Variants in ERI2 observed in about 807,000 individuals in gnomAD.
The protein encoded by ERI2 is ERI1 exoribonuclease family member 2, also known as ERI1 exoribonuclease 2.
ERI2 carries 35 observed loss-of-function variants against 46.8 expected under a neutral mutation model. That is an observed-to-expected ratio of 0.75 (90% CI 0.57 to 0.99). The LOEUF is 0.99. ERI2 is among the 50% of genes least tolerant of loss of function. ERI2 has a pLI of 0.00. For synonymous variants in ERI2, 224 were observed against 271.0 expected, an observed-to-expected ratio of 0.83 and a Z score of 1.70; for missense variants, 695 against 796.2, an observed-to-expected ratio of 0.87 and a Z score of 1.53.
At chr16:20,789,646 G>A in intron 9 of ERI2, 3 of 900,276 alleles carry the variant, frequency 3.3e-6, no homozygotes, top group Non-Finnish European at 5.4e-6. Flanking sequence ...ATAAAAGCAG[G>A]TTGGCAAAAC....
Position 20,790,569 on chromosome 16 carries a change from T to G in ERI2, c.815+281A>C. On this transcript the variant is annotated intron_variant, in intron 9 of 10. Transcript: ENST00000300005. This position sits in a 1 kb window ranked among gnomAD's most constrained non-coding sequence, Gnocchi z 4.0. ...TAAACAAAAATTTCCTTAAATAAAT[T>G]GTTCTATTTTATCCTAGATTGTAGA... 6.3e-7 allele frequency: 1 copy of G among 1,591,440 alleles called. No individual in the cohort carries two copies. Among genetic ancestry groups the G allele is most frequent in the Non-Finnish European group, 8.6e-7 (1 of 1,164,950 alleles).
intron 4 of ERI2, among the ~76,000 whole-genome samples, chr16:20,802,390 CTTAT>C (rs1216920876): frequency 2.0e-5 from 3 of 151,742 alleles, no homozygotes; most frequent in Non-Finnish European, 2.9e-5. Flanking sequence ...TAACACTAAT[CTTAT>C]TTATTTATTT....
chr16:20,797,940 A>G lies in ERI2; in HGVS notation c.1860T>C (p.Tyr620=). The G allele has an allele frequency of 2.6e-6, 4 of 1,551,922 alleles. No individual in the cohort carries two copies. The highest frequency in any genetic ancestry group is 3.5e-6 in the Non-Finnish European group (4 of 1,146,990). Residue 620 remains tyrosine (Y), a synonymous_variant, in exon 9 of 9, where the codon TAT becomes TAC. Coordinates refer to ENST00000357967, the MANE Select transcript of ERI2 (RefSeq NM_001142725.2). ...NNGPNHGKVF[Y]CCPIGKYQEN... ...CTTGGTATTTCCCGATAGGGCAACA[A>G]TAGAAGACTTTTCCATGGTTCGGTC...
chr16:20,792,877 A>C (rs181567981), downstream of ERI2, among the ~76,000 whole-genome samples: 2 of 152,328 alleles, frequency 1.3e-5, no homozygotes, highest in African/African-American at 4.8e-5. Flanking sequence ...CTGACCACAC[A>C]GTATTTTGGC....
chr16:20,801,242 C>T lies in ERI2; in HGVS notation c.421G>A (p.Ala141Thr), dbSNP rs1260199062. Residue 141 changes from alanine to threonine, a missense_variant, in exon 5 of 9, where the codon GCT (alanine) becomes ACT (threonine). Coordinates refer to ENST00000357967, the MANE Select transcript of ERI2 (RefSeq NM_001142725.2). ...AATGCACATAATTTTACTTCAGAAG[C>T]AGAAGGCTCTGAAATCCCAGTAGCA... ...IFATGISEPSASEVKLCAFVT... is the reference protein window; with the variant it reads ...IFATGISEPSTSEVKLCAFVT... 1 of 1,612,158 alleles carries T rather than the reference C, an allele frequency of 6.2e-7. No homozygotes were observed. Among genetic ancestry groups the T allele is most frequent in the Admixed American group, 1.7e-5 (1 of 59,788 alleles).
At chr16:20,796,259 C>T, downstream of ERI2, 1 of 1,479,626 alleles carries the variant, frequency 6.8e-7, no homozygotes, top group Non-Finnish European at 9.0e-7. Context: ...TTTATTAAAA[C>T]ACACTGGCCC....
rs112234495 is a variant in ERI2, at chr16:20,801,286, T to A, written c.377A>T (p.Gln126Leu). The A allele has an allele frequency of 5.6e-6, 9 of 1,612,904 alleles. No individual in the cohort carries two copies. Among genetic ancestry groups the A allele is most frequent in the Non-Finnish European group, 7.6e-6 (9 of 1,179,540 alleles). Residue 126 changes from glutamine to leucine, a missense_variant, in exon 5 of 9, where the codon CAA becomes CTA. Coordinates refer to ENST00000357967, the MANE Select transcript of ERI2 (RefSeq NM_001142725.2). Reference sequence around the variant, plus strand: ...AGTAGCAAAAATAATGTTCTTCTGTTGCTGAATCTTATGAATCCATTTACA... The same window carrying A: ...AGTAGCAAAAATAATGTTCTTCTGTAGCTGAATCTTATGAATCCATTTACA... ...QFCKWIHKIQ[Q>L]QKNIIFATGI... is the part of the protein sequence containing the mutation.
downstream of ERI2, chr16:20,796,211 G>A: frequency 2.4e-6 from 3 of 1,265,974 alleles, no homozygotes; most frequent in Non-Finnish European, 3.2e-6. Context: ...TACAGACCAG[G>A]AAGTGGCTGG....
chr16:20,801,524 CAA>C (rs1295628896), intron 4 of ERI2, among the ~76,000 whole-genome samples, 165 bp from the exon 5 acceptor site: 2 of 151,992 alleles, frequency 1.3e-5, no homozygotes, highest in African/African-American at 4.8e-5. Context: ...TTCTAACTGG[CAA>C]AGAGTTTATT....
In ERI2 at chr16:20,797,933, G is replaced by T; in HGVS notation, c.1867C>A (p.Pro623Thr). The change falls in exon 9 of 9, where the codon CCT (proline) becomes ACT (threonine). Residue 623 changes from proline (P) to threonine (T), a missense_variant. Pro to Thr is a conservative substitution (Grantham distance 38). Coordinates refer to ENST00000357967, the MANE Select transcript of ERI2 (RefSeq NM_001142725.2). Reference protein sequence around the residue: ...PNHGKVFYCCPIGKYQENRKC... With the variant: ...PNHGKVFYCCTIGKYQENRKC... The stretch of plus-strand genomic sequence containing the variant: ...CTGTTTTCTTGGTATTTCCCGATAG[G>T]GCAACAATAGAAGACTTTTCCATGG... 6.4e-7 allele frequency: 1 copy of T among 1,551,736 alleles called. No individual in the cohort carries two copies.
At chr16:20,786,063 C>A in intron 10 of ERI2, 2 of 1,488,124 alleles carry the variant, frequency 1.3e-6, no homozygotes, top group Non-Finnish European at 1.8e-6. Flanking sequence ...CTTACTTTTT[C>A]TTCTTCTTAA....
chr16:20,798,915 C>T lies in ERI2; in HGVS notation c.885G>A (p.Met295Ile). The T allele has an allele frequency of 6.4e-7, 1 of 1,551,088 alleles. No homozygotes were observed. Among genetic ancestry groups the T allele is most frequent in the Non-Finnish European group, 8.7e-7 (1 of 1,146,786 alleles). Residue 295 changes from methionine to isoleucine, a missense_variant, in exon 9 of 9, where the codon ATG becomes ATA. Physicochemically the swap from Met to Ile is conservative, Grantham distance 10. Coordinates refer to ENST00000357967, the MANE Select transcript of ERI2 (RefSeq NM_001142725.2). ...NIINPHEKVQ[M>I]KSICANSPIK... ...TAGGAGAATTTGCACAAATTGACTT[C>T]ATTTGAACTTTTTCATGAGGATTTA...
downstream of ERI2, among the ~76,000 whole-genome samples, chr16:20,794,588 A>G (rs1025327159): frequency 6.6e-6 from 1 of 152,254 alleles, no homozygotes; most frequent in African/African-American, 2.4e-5. Flanking sequence ...AAGATTTTGC[A>G]TAGAATTTCA....
At chr16:20,781,502 A>AT (rs559832308) in intron 10 of ERI2, among the ~76,000 whole-genome samples, 243 of 152,366 alleles carry the variant, frequency 1.6e-3, no homozygotes, top group African/African-American at 5.6e-3. Flanking sequence ...CATAGGTTAT[A>AT]TGCAAATACC....
At chr16:20,780,911 T>G in intron 10 of ERI2, 1 of 1,613,138 alleles carries the variant, frequency 6.2e-7, no homozygotes, top group Non-Finnish European at 8.5e-7. Flanking sequence ...AGATGATGAC[T>G]TATGTACTGG....
intron 4 of ERI2, among the ~76,000 whole-genome samples, chr16:20,801,639 TCATTA>T (rs1317044343): frequency 6.6e-6 from 1 of 152,244 alleles, no homozygotes; most frequent in African/African-American, 2.4e-5. Flanking sequence ...AGAAATATGA[TCATTA>T]AGTCCAGACT....
rs745577197 is a variant in ERI2, at chr16:20,798,416, CT to C, written c.1383del (p.Ile461MetfsTer26). On this transcript the variant is annotated frameshift_variant, in exon 9 of 9. Transcript: ENST00000357967. LOFTEE classifies it high-confidence loss of function. ...GTCTCAGATTTTTGAGGAGTTTCCTCTATGTCTCCAAAGTTTTCATGACTTG... is the reference window on the plus strand; with the variant it reads ...GTCTCAGATTTTTGAGGAGTTTCCTCATGTCTCCAAAGTTTTCATGACTTG... ...EMSSHENFGDIEETPQKSETS... is the reference protein window; with the variant it reads ...EMSSHENFGDXEETPQKSETS... 7.7e-6 allele frequency: 12 copies of C among 1,550,690 alleles called. No homozygotes were observed. Among genetic ancestry groups the C allele is most frequent in the Non-Finnish European group, 1.0e-5 (12 of 1,146,732 alleles).
At chr16:20,806,333 C>A in intron 1 of ERI2, 75 bp downstream of exon 1, 1 of 1,537,062 alleles carries the variant, frequency 6.5e-7, no homozygotes, top group Non-Finnish European at 8.8e-7. Context: ...TGCCACCTGC[C>A]GTGCCCTGCT....
chr16:20,796,236 G>A (rs900588471), downstream of ERI2: 11 of 1,411,976 alleles, frequency 7.8e-6, no homozygotes, highest in African/African-American at 1.6e-4. Flanking sequence ...AGAGCACAGA[G>A]CTGGGATCAA....
Sources: allele counts gnomAD v4.1 joint callset (sites outside exome capture counted in the v4.1 genomes callset), GRCh38; gene constraint gnomAD v4.1.1; non-coding constraint Gnocchi (gnomAD v3.1); transcripts MANE v1.5; gene names NCBI Gene and HGNC (gene_info 2026-07-23, HGNC 2026-07-21).